The following EEF1AKMT3 variants were observed in gnomAD, a reference collection of about 807,000 sequenced individuals.
EEF1AKMT3 encodes the protein EEF1A lysine methyltransferase 3.
A neutral mutation model predicts 17.8 loss-of-function variants in EEF1AKMT3; 17 were observed. The observed-to-expected ratio is 0.96, with a 90% CI of 0.65 to 1.43. EEF1AKMT3 has a LOEUF of 1.43. Among genes scored for constraint, EEF1AKMT3 ranks in the 40% most tolerant of loss-of-function variants. The pLI, the probability that EEF1AKMT3 is intolerant of heterozygous loss-of-function variation, is 0.00. For synonymous variants in EEF1AKMT3, 116 were observed against 126.5 expected (o/e 0.92, Z 0.56); for missense variants, 244 against 285.8 (o/e 0.85, Z 1.06).
At chr12:57,777,972 T>C (rs1955490045) in intron 2 of EEF1AKMT3, among the ~76,000 whole-genome samples, 1 of 145,912 alleles carries the variant, frequency 6.9e-6, no homozygotes. Flanking sequence ...TGAGCCGAGA[T>C]CATGCCATTG....
chr12:57,779,673 C>T (rs994565419), intron 2 of EEF1AKMT3, among the ~76,000 whole-genome samples: 1 of 152,124 alleles, frequency 6.6e-6, no homozygotes, highest in East Asian at 1.9e-4. Flanking sequence ...CCCGTTTCTG[C>T]CCTTAAAGCT....
At chr12:57,778,293 C>CTTTGTTTTTTTTTTTTTTTTT (rs1955492427) in intron 2 of EEF1AKMT3, among the ~76,000 whole-genome samples, 1 of 43,996 alleles carries the variant, frequency 2.3e-5, no homozygotes, top group African/African-American at 8.1e-5. Context: ...CCATCCTGAG[C>CTTTGTTTTTTTTTTTTTTTTT]TTTTTTTTTT....
chr12:57,776,758 C>G (rs1002220579), intron 2 of EEF1AKMT3, among the ~76,000 whole-genome samples: 1 of 152,136 alleles, frequency 6.6e-6, no homozygotes, highest in African/African-American at 2.4e-5. Flanking sequence ...TCAAGTGATT[C>G]TCCTGTCTCA....
chr12:57,778,307 T>TTTTTTTTTTTTTTTTTTTTGTTC (rs536788916), intron 2 of EEF1AKMT3, among the ~76,000 whole-genome samples: 1 of 105,314 alleles, frequency 9.5e-6, no homozygotes, highest in Non-Finnish European at 2.0e-5. Flanking sequence ...TTTTTTTTTT[T>TTTTTTTTTTTTTTTTTTTTGTTC]TGAGACAGGT....
chr12:57,778,307 T>TTTTTTTTTTTTTTTTTTTTTTTTTTTTC (rs536788916), intron 2 of EEF1AKMT3, among the ~76,000 whole-genome samples: 2 of 105,314 alleles, frequency 1.9e-5, no homozygotes, highest in African/African-American at 3.1e-5. Context: ...TTTTTTTTTT[T>TTTTTTTTTTTTTTTTTTTTTTTTTTTTC]TGAGACAGGT....
intron 2 of EEF1AKMT3, among the ~76,000 whole-genome samples, chr12:57,777,079 C>A (rs774982979): frequency 1.2e-4 from 18 of 152,176 alleles, no homozygotes; most frequent in Non-Finnish European, 1.0e-4. Context: ...CATGGATGAA[C>A]ACATTGTGCT....
In EEF1AKMT3 at chr12:57,781,361, G is replaced by C. The variant is rs1462605024; in HGVS notation, c.*715G>C. 1.3e-5 allele frequency: 2 copies of C among 151,656 alleles called. No individual in the cohort carries two copies. Among genetic ancestry groups the C allele is most frequent in the Non-Finnish European group, 2.9e-5 (2 of 67,906 alleles). The allele number at this position is 151,656 out of a possible 1,614,324, so 9.4% of individuals were successfully genotyped here. ...GGCATGGCCCACTGTGCTAGCCTAG[G>C]ATTTTTTTTTTTTTTTAAGAAAGAA... On this transcript the variant is annotated 3_prime_UTR_variant, in exon 3 of 3. Coordinates refer to ENST00000300209, the MANE Select transcript of EEF1AKMT3 (RefSeq NM_015433.3).
chr12:57,773,204 G>C (rs1012829879), intron 2 of EEF1AKMT3, 76 bp downstream of exon 2: 1 of 1,357,432 alleles, frequency 7.4e-7, no homozygotes, highest in Non-Finnish European at 1.1e-6. Flanking sequence ...TGGATCTTTG[G>C]GGGAGAGGGG....
chr12:57,780,891 C>T lies in EEF1AKMT3; in HGVS notation c.*245C>T. On this transcript the variant is annotated 3_prime_UTR_variant, in exon 3 of 3. Coordinates refer to ENST00000300209, the MANE Select transcript of EEF1AKMT3 (RefSeq NM_015433.3). ...TAGAACACCAAGGAGGTTCCTGGCTCCTGTTCTCAGAGAAGGAGGATGGTA... is the reference window on the plus strand; with the variant it reads ...TAGAACACCAAGGAGGTTCCTGGCTTCTGTTCTCAGAGAAGGAGGATGGTA... 5.3e-6 allele frequency: 3 copies of T among 560,826 alleles called. No individual in the cohort carries two copies. Among genetic ancestry groups the T allele is most frequent in the South Asian group, 2.2e-5 (1 of 45,232 alleles). 34.7% of individuals were successfully genotyped at this position (560,826 alleles called of 1,614,324 possible).
At chr12:57,778,292 G>GTTTTTTTTTTTTTT (rs78304489) in intron 2 of EEF1AKMT3, among the ~76,000 whole-genome samples, 1 of 2,302 alleles carries the variant, frequency 4.3e-4, no homozygotes, top group African/African-American at 1.7e-3. Context: ...ACCATCCTGA[G>GTTTTTTTTTTTTTT]CTTTTTTTTT....
intron 2 of EEF1AKMT3, among the ~76,000 whole-genome samples, chr12:57,775,631 A>C (rs1391108488): frequency 1.3e-5 from 2 of 152,300 alleles, no homozygotes; most frequent in East Asian, 3.9e-4. Context: ...ATCTGGCCAC[A>C]ACTTCCAGTT....
At chr12:57,777,122 C>A (rs1955485427) in intron 2 of EEF1AKMT3, among the ~76,000 whole-genome samples, 1 of 152,138 alleles carries the variant, frequency 6.6e-6, no homozygotes, top group South Asian at 2.1e-4. Flanking sequence ...TGTCACAAGA[C>A]CCCAAATCTT....
Position 57,772,967 on chromosome 12 carries a change from A to T in EEF1AKMT3, c.178-50A>T. 1 of 1,613,770 alleles carries T rather than the reference A, an allele frequency of 6.2e-7. No homozygotes were observed. Among genetic ancestry groups the T allele is most frequent in the Non-Finnish European group, 8.5e-7 (1 of 1,179,692 alleles). On this transcript the variant is annotated intron_variant, in intron 1 of 2. Coordinates refer to ENST00000300209, the MANE Select transcript of EEF1AKMT3 (RefSeq NM_015433.3). The surrounding 1 kb of genome is among the most constrained non-coding windows in gnomAD (Gnocchi z 4.1). ...CCAGATCCCGGACTCCGCCTCTCCC[A>T]TATGGAGCCATCCTCACGACTGTCT...
rs1346589460 is a variant in EEF1AKMT3, at chr12:57,772,890, G to T, written c.166G>T (p.Val56Leu). 4 of 1,614,052 alleles carry T rather than the reference G, an allele frequency of 2.5e-6. No individual in the cohort carries two copies. In the Admixed American group the frequency reaches 5.0e-5, roughly 20 times the overall value. The change falls in exon 1 of 3, where the codon GTG (valine) becomes TTG (leucine). Residue 56 changes from valine (V) to leucine (L), a missense_variant. Coordinates refer to ENST00000300209, the MANE Select transcript of EEF1AKMT3 (RefSeq NM_015433.3). The surrounding 1 kb of genome is among the most constrained non-coding windows in gnomAD (Gnocchi z 4.1). ...GTCCCGCCTCGGGGTGGCGGCGCGC[G>T]TGTGGGACGCGGTGAGGAATGGGCT... is the stretch of plus-strand genomic sequence containing the variant. ...FGSRLGVAAR[V>L]WDAALSLCNY... is the part of the protein sequence containing the mutation.
intron 2 of EEF1AKMT3, among the ~76,000 whole-genome samples, chr12:57,775,641 T>G (rs1955476589): frequency 6.6e-6 from 1 of 152,202 alleles, no homozygotes; most frequent in Admixed American, 6.5e-5. Context: ...AACTTCCAGT[T>G]GTCTGGGGAA....
intron 2 of EEF1AKMT3, among the ~76,000 whole-genome samples, chr12:57,778,292 G>GTTTTTTTTTTTTTTTT (rs78304489): frequency 0.037 from 80 of 2,188 alleles, 1 homozygote; most frequent in South Asian, 0.071. Context: ...ACCATCCTGA[G>GTTTTTTTTTTTTTTTT]CTTTTTTTTT....
intron 2 of EEF1AKMT3, among the ~76,000 whole-genome samples, 185 bp downstream of exon 2, chr12:57,773,313 C>A (rs762004434): frequency 4.3e-4 from 65 of 152,008 alleles, no homozygotes; most frequent in African/African-American, 1.5e-3. Flanking sequence ...TGCCAGACAG[C>A]GCGAATTGCC....
chr12:57,773,768 G>A (rs1022641430), intron 2 of EEF1AKMT3, among the ~76,000 whole-genome samples: 7 of 152,162 alleles, frequency 4.6e-5, no homozygotes, highest in Non-Finnish European at 7.3e-5. Flanking sequence ...ACTTAAAAGC[G>A]CCTTGGCTTT....
In EEF1AKMT3 at chr12:57,781,824, G is replaced by C. The variant is rs1396445485; in HGVS notation, c.*1178G>C. On this transcript the variant is annotated 3_prime_UTR_variant, in exon 3 of 3. Transcript: ENST00000300209. ...CTTAGGCACATAGTCACCTTCTCTG[G>C]ACTCCCTGCTTCCATGCTTTCTCCT... The C allele has an allele frequency of 6.6e-6, 1 of 152,022 alleles. No individual in the cohort carries two copies. The highest frequency in any genetic ancestry group is 1.5e-5 in the Non-Finnish European group (1 of 68,036). 9.4% of individuals were successfully genotyped at this position (152,022 alleles called of 1,614,324 possible). A position where few individuals can be genotyped will look rare whatever the true frequency, so the allele number is the denominator to read the frequency against.
Sources: gnomAD v4.1 joint callset for allele counts (sites outside exome capture counted in the v4.1 genomes callset) on GRCh38, gnomAD v4.1.1 for gene constraint, Gnocchi (gnomAD v3.1) non-coding constraint, MANE v1.5 for transcripts, NCBI Gene and HGNC (gene_info 2026-07-23, HGNC 2026-07-21) for gene names.